The following TXNDC5 variants were observed in gnomAD, a reference collection of about 807,000 sequenced individuals.
TXNDC5 encodes thioredoxin domain containing 5, also known as thioredoxin domain-containing protein 5.
A neutral mutation model predicts 52.6 loss-of-function variants in TXNDC5; 44 were observed. The observed-to-expected ratio is 0.84, with a 90% CI of 0.66 to 1.08. The LOEUF (loss-of-function observed/expected upper bound fraction) is 1.08, where lower values mean the gene tolerates loss of function less well. Ranked by LOEUF, TXNDC5 falls within the 50% of genes least tolerant of loss-of-function variation. TXNDC5 has a pLI of 0.00. For synonymous variants in TXNDC5, 241 were observed against 234.4 expected (o/e 1.03, Z -0.26); for missense variants, 600 against 565.5 (o/e 1.06, Z -0.62).
At chr6:7,902,545 C>G (rs1463762492) in intron 2 of TXNDC5, among the ~76,000 whole-genome samples, 1 of 152,102 alleles carries the variant, frequency 6.6e-6, no homozygotes, top group Non-Finnish European at 1.5e-5. Context: ...CACAACCACT[C>G]TATGGGATGG....
intron 8 of TXNDC5, among the ~76,000 whole-genome samples, 164 bp from the exon 9 acceptor site, chr6:7,884,652 C>T (rs539645633): frequency 6.6e-6 from 1 of 152,318 alleles, no homozygotes; most frequent in East Asian, 1.9e-4. Context: ...TTAACTCTTC[C>T]TCCTCCTATC....
chr6:7,899,549 G>GAGGGAGGC, intron 3 of TXNDC5, 27 bp downstream of exon 3: 1 of 1,444,874 alleles, frequency 6.9e-7, no homozygotes. Flanking sequence ...GGGAGGGAGG[G>GAGGGAGGC]AGGGAGGGAA....
At chr6:7,906,550 AAAAAAAAG>A (rs1760739798) in intron 1 of TXNDC5, among the ~76,000 whole-genome samples, 3 of 150,080 alleles carry the variant, frequency 2.0e-5, no homozygotes, top group Admixed American at 6.6e-5. Flanking sequence ...AAAAAAAAAA[AAAAAAAAG>A]AAAAACAGAC....
chr6:7,885,028 C>T (rs1759916173), intron 8 of TXNDC5, among the ~76,000 whole-genome samples: 1 of 152,208 alleles, frequency 6.6e-6, no homozygotes, highest in Admixed American at 6.5e-5. Context: ...TGACCCCCTC[C>T]TGCCGTATGG....
intron 4 of TXNDC5, among the ~76,000 whole-genome samples, chr6:7,892,914 A>AGG (rs1405093475): frequency 6.6e-6 from 1 of 152,184 alleles, no homozygotes; most frequent in Non-Finnish European, 1.5e-5. Flanking sequence ...TGGAGAAGGG[A>AGG]GGGCGGGCTG....
At chr6:7,884,588 G>A (rs1046663624) in intron 8 of TXNDC5, 100 bp from the exon 9 acceptor site, 4 of 1,503,192 alleles carry the variant, frequency 2.7e-6, no homozygotes, top group Non-Finnish European at 3.6e-6. Context: ...GTATGGGACA[G>A]TCAACAATTG....
chr6:7,893,485 T>G (rs1201120701), intron 4 of TXNDC5, among the ~76,000 whole-genome samples: 3 of 152,210 alleles, frequency 2.0e-5, no homozygotes, highest in Admixed American at 6.5e-5. Context: ...CCATGGTACC[T>G]ACACGACACA....
At chr6:7,908,281 C>CAAAAAAAAAAAAAA (rs57783770) in intron 1 of TXNDC5, among the ~76,000 whole-genome samples, 11 of 62,760 alleles carry the variant, frequency 1.8e-4, no homozygotes, top group Non-Finnish European at 2.5e-4. Flanking sequence ...GACTCCATCT[C>CAAAAAAAAAAAAAA]AAAAAAAAAA....
At chr6:7,908,100 T>A in intron 1 of TXNDC5, among the ~76,000 whole-genome samples, 1 of 151,936 alleles carries the variant, frequency 6.6e-6, no homozygotes, top group South Asian at 2.1e-4. Flanking sequence ...CTGGCCAACA[T>A]GGTGAAACCC....
rs112273125 is a variant in TXNDC5 at position 7,882,841 on chromosome 6, G to A, written c.*303C>T. ...GTCCAGCAATTTCATTTCCCTCAAC[G>A]CTATTTTAGTCTCAAAGGAAACCAT... On this transcript the variant is annotated 3_prime_UTR_variant, in exon 10 of 10. Transcript: ENST00000379757. The A allele has an allele frequency of 7.9e-4, 191 of 241,808 alleles. 1 individual carries two copies. Among genetic ancestry groups the A allele is most frequent in the Middle Eastern group, 1.5e-3 (1 of 654 alleles). 15.0% of individuals were successfully genotyped at this position (241,808 alleles called of 1,614,324 possible).
chr6:7,888,278 T>G (rs1026454935), intron 7 of TXNDC5, among the ~76,000 whole-genome samples: 7 of 152,134 alleles, frequency 4.6e-5, no homozygotes, highest in African/African-American at 1.7e-4. Context: ...GCTACAGGTC[T>G]TCTAGGGGCC....
intron 4 of TXNDC5, chr6:7,894,886 G>A: frequency 1.0e-6 from 1 of 985,452 alleles, no homozygotes; most frequent in Non-Finnish European, 1.2e-6. Context: ...CGTGTGCTTA[G>A]CATTAGACTC....
At position 7,891,692 on chromosome 6, in the gene TXNDC5, T is replaced by C; in HGVS notation, c.661A>G (p.Lys221Glu). The C allele has an allele frequency of 6.2e-7, 1 of 1,613,990 alleles. No individual in the cohort carries two copies. The highest frequency in any genetic ancestry group is 8.5e-7 in the Non-Finnish European group (1 of 1,179,896). The part of the protein sequence containing the change: ...KFFAPWCGHC[K>E]ALAPTWEQLA... The stretch of plus-strand genomic sequence containing the variant: ...TGCTCCCAGGTTGGAGCCAGGGCTT[T>C]GCAGTGACCACACCACGGAGCGAAG... Residue 221 changes from lysine (K) to glutamate (E), a missense_variant, in exon 5 of 10, where the codon AAA (lysine) becomes GAA (glutamate). By Grantham distance (56) the Lys-to-Glu change is moderately conservative. Transcript: ENST00000379757.
At position 7,895,115 on chromosome 6, in the gene TXNDC5, C is replaced by A. The variant is rs58711083; in HGVS notation, c.607G>T (p.Val203Phe). The change falls in exon 4 of 10, where the codon GTT becomes TTT. Residue 203 changes from valine to phenylalanine, a missense_variant. Coordinates refer to ENST00000379757, the MANE Select transcript of TXNDC5 (RefSeq NM_030810.5). ...AGGACGTCCCCCTTACCTTGTGCAA[C>A]GTGCAGCTCAAAGTTGCTTGCTGAG... Reference protein sequence around the residue: ...ELSASNFELHVAQGDHFIKFF... With the variant: ...ELSASNFELHFAQGDHFIKFF... The A allele has an allele frequency of 3.7e-6, 6 of 1,613,572 alleles. No individual in the cohort carries two copies. The highest frequency in any genetic ancestry group is 5.1e-6 in the Non-Finnish European group (6 of 1,179,838).
At chr6:7,893,953 T>A (rs1349127355) in intron 4 of TXNDC5, among the ~76,000 whole-genome samples, 1 of 152,230 alleles carries the variant, frequency 6.6e-6, no homozygotes, top group East Asian at 1.9e-4. Context: ...AACACATCTA[T>A]GTGTGAATAA....
At position 7,904,671 on chromosome 6, in the gene TXNDC5, A is replaced by G; in HGVS notation, c.316T>C (p.Tyr106His). ...QPTWNDLGDK[Y>H]NSMEDAKVYV... ...ACTTTGGCATCTTCCATGCTGTTGT[A>G]TTTGTCTCCCAGGTCATTCCAAGTC... Residue 106 changes from tyrosine (Y) to histidine (H), a missense_variant, in exon 2 of 10, where the codon TAC (tyrosine) becomes CAC (histidine). Transcript: ENST00000379757. 3 of 1,614,112 alleles carry G rather than the reference A, an allele frequency of 1.9e-6. No individual in the cohort carries two copies. The highest frequency in any genetic ancestry group is 2.2e-5 in the East Asian group (1 of 44,866).
At chr6:7,887,522 G>A (rs967674017) in intron 7 of TXNDC5, among the ~76,000 whole-genome samples, 5 of 152,082 alleles carry the variant, frequency 3.3e-5, no homozygotes, top group African/African-American at 7.2e-5. Context: ...CACAGCGGCT[G>A]GACTCCTTAT....
intron 1 of TXNDC5, among the ~76,000 whole-genome samples, chr6:7,908,263 C>A (rs1439168338): frequency 8.8e-6 from 1 of 113,356 alleles, no homozygotes; most frequent in African/African-American, 3.5e-5. Flanking sequence ...AGCCTGGCAA[C>A]AGAGCAAGAC....
chr6:7,899,640 T>C lies in TXNDC5; in HGVS notation c.455A>G (p.Gln152Arg), dbSNP rs757538891. 112 of 1,614,006 alleles carry C rather than the reference T, an allele frequency of 6.9e-5. No individual in the cohort carries two copies. Among genetic ancestry groups the C allele is most frequent in the Non-Finnish European group, 9.2e-5 (108 of 1,180,008 alleles). Reference sequence around the variant, plus strand: ...CAGTGTCTGGAAGTCCCGAGGACCCTGGTACTTCACAGCTTCTTGGCCTGG... The same window carrying C: ...CAGTGTCTGGAAGTCCCGAGGACCCCGGTACTTCACAGCTTCTTGGCCTGG... ...FKPGQEAVKY[Q>R]GPRDFQTLEN... Residue 152 changes from glutamine to arginine, a missense_variant, in exon 3 of 10, where the codon CAG becomes CGG. Gln to Arg is a conservative substitution (Grantham distance 43). Coordinates refer to ENST00000379757, the MANE Select transcript of TXNDC5 (RefSeq NM_030810.5).
Sources: gnomAD v4.1 joint callset for allele counts (sites outside exome capture counted in the v4.1 genomes callset) on GRCh38, gnomAD v4.1.1 for gene constraint, MANE v1.5 for transcripts, NCBI Gene and HGNC (gene_info 2026-07-23, HGNC 2026-07-21) for gene names.